Variants in CUX2 observed in about 807,000 individuals in gnomAD.
CUX2 encodes the protein cut like homeobox 2.
A neutral mutation model predicts 144.8 loss-of-function variants in CUX2; 40 were observed. The ratio of observed to expected loss-of-function variants is 0.28; its 90% CI spans 0.21 to 0.36. The LOEUF is 0.36. Ranked by LOEUF, CUX2 falls within the 10% of genes least tolerant of loss-of-function variation. CUX2 has a pLI of 1.00. For missense variants in CUX2, 1,615 were observed against 1,994.0 expected (o/e 0.81, Z 3.62); for synonymous variants, 827 against 875.6 (o/e 0.94, Z 0.98).
chr12:111,098,709 G>A (rs1872998842), intron 1 of CUX2, among the ~76,000 whole-genome samples: 2 of 152,126 alleles, frequency 1.3e-5, no homozygotes, highest in Non-Finnish European at 1.5e-5. Flanking sequence ...GGAAGCCAAC[G>A]TCACCTCCCT....
At chr12:111,154,410 C>T (rs1367768223) in intron 1 of CUX2, among the ~76,000 whole-genome samples, 1 of 152,138 alleles carries the variant, frequency 6.6e-6, no homozygotes, top group Non-Finnish European at 1.5e-5. Context: ...CAGGGCTCCT[C>T]CCTCAGCCTG....
At chr12:111,282,702 T>C (rs1334182494) in intron 4 of CUX2, among the ~76,000 whole-genome samples, 1 of 147,102 alleles carries the variant, frequency 6.8e-6, no homozygotes, top group Non-Finnish European at 1.5e-5. Flanking sequence ...CACGGTGGGG[T>C]AGGCTGGAAG....
intron 1 of CUX2, among the ~76,000 whole-genome samples, chr12:111,058,541 G>A (rs916108176): frequency 6.6e-6 from 1 of 152,006 alleles, no homozygotes; most frequent in Non-Finnish European, 1.5e-5. Flanking sequence ...GACACAGAGA[G>A]AGAGAGACAG....
In CUX2 at chr12:111,304,273, T is replaced by G. The variant is rs1388153135; in HGVS notation, c.817T>G (p.Ser273Ala). The change falls in exon 10 of 22, where the codon TCC (serine) becomes GCC (alanine). Residue 273 changes from serine (S) to alanine (A), a missense_variant. Around this residue, in one of 12 missense-constraint regions of CUX2, gnomAD observed 295 missense variants for 400.2 expected, o/e 0.74. Coordinates refer to ENST00000261726, the MANE Select transcript of CUX2 (RefSeq NM_015267.4). This position sits in a 1 kb window ranked among gnomAD's most constrained non-coding sequence, Gnocchi z 4.7. ...GGAACAGCTGGCCTCTGTCAACAGC[T>G]CCATCCGCCTGGCTTGCTGCTCTCC... ...LREQLASVNS[S>A]IRLACCSPQG... 4 of 1,613,918 alleles carry G rather than the reference T, an allele frequency of 2.5e-6. No individual in the cohort carries two copies. Among genetic ancestry groups the G allele is most frequent in the Middle Eastern group, 1.7e-4 (1 of 6,058 alleles).
intron 1 of CUX2, among the ~76,000 whole-genome samples, chr12:111,078,189 A>G (rs913861296): frequency 2.0e-5 from 3 of 152,236 alleles, no homozygotes; most frequent in African/African-American, 7.2e-5. Flanking sequence ...GCCCGGCACC[A>G]GACTAGGCAT....
Position 111,310,199 on chromosome 12 carries a change from A to C in CUX2, c.1417A>C (p.Thr473Pro). ...LLGPSLGPDG[T>P]RTFSLSPFPS... is the part of the protein sequence containing the mutation. ...GGGCCCCAGCTTGGGGCCTGACGGC[A>C]CTCGGACTTTCTCGCTGTCCCCCTT... Residue 473 changes from threonine (T) to proline (P), a missense_variant, in exon 15 of 22, where the codon ACT (threonine) becomes CCT (proline). By Grantham distance (38) the Thr-to-Pro change is conservative (BLOSUM62 -1). Coordinates refer to ENST00000261726, the MANE Select transcript of CUX2 (RefSeq NM_015267.4). The surrounding 1 kb of genome is among the most constrained non-coding windows in gnomAD (Gnocchi z 7.9). 6.6e-7 allele frequency: 1 copy of C among 1,526,302 alleles called. No homozygotes were observed. Among genetic ancestry groups the C allele is most frequent in the Non-Finnish European group, 8.8e-7 (1 of 1,138,032 alleles). 94.5% of individuals were successfully genotyped at this position (1,526,302 alleles called of 1,614,324 possible). A position where few individuals can be genotyped will look rare whatever the true frequency, so the allele number is the denominator to read the frequency against.
At chr12:111,151,322 G>GT in intron 1 of CUX2, among the ~76,000 whole-genome samples, 1 of 152,332 alleles carries the variant, frequency 6.6e-6, no homozygotes, top group East Asian at 1.9e-4. Context: ...AGCAGTAACT[G>GT]TAAGAAGATT....
intron 4 of CUX2, among the ~76,000 whole-genome samples, chr12:111,276,742 G>C (rs1884895062): frequency 6.6e-6 from 1 of 152,090 alleles, no homozygotes; most frequent in Non-Finnish European, 1.5e-5. Flanking sequence ...CAACCTCCTG[G>C]GTTCAGGCGA....
chr12:111,054,143 G>C (rs945866293), intron 1 of CUX2, among the ~76,000 whole-genome samples: 1 of 152,194 alleles, frequency 6.6e-6, no homozygotes, highest in Non-Finnish European at 1.5e-5. Context: ...GACAGAACAA[G>C]ACTCCATCTC....
At chr12:111,323,441 G>A (rs552881987) in intron 18 of CUX2, among the ~76,000 whole-genome samples, 1 of 152,300 alleles carries the variant, frequency 6.6e-6, no homozygotes, top group South Asian at 2.1e-4. Flanking sequence ...AACACCTACA[G>A]GATGAGACTG....
intron 3 of CUX2, among the ~76,000 whole-genome samples, chr12:111,229,356 C>G (rs573754276): frequency 6.6e-6 from 1 of 152,312 alleles, no homozygotes; most frequent in Admixed American, 6.5e-5. Flanking sequence ...GGTGTCCTCT[C>G]TGAGGTGGGC....
rs1038721228 is a variant in CUX2, at chr12:111,190,540, T to A, written c.64-23660T>A. ...GTGTCCACTTAACCATGGTCTTCCT[T>A]TTGCATTTTCCCACCTCTTGATGCT... On this transcript the variant is annotated intron_variant, in intron 1 of 21. Coordinates refer to ENST00000261726, the MANE Select transcript of CUX2 (RefSeq NM_015267.4). The surrounding 1 kb of genome is among the most constrained non-coding windows in gnomAD (Gnocchi z 4.0). Among the ~76,000 whole-genome samples the A allele has an allele frequency of 6.6e-6, 1 of 152,178 alleles. No individual in the cohort carries two copies. The highest frequency in any genetic ancestry group is 1.5e-5 in the Non-Finnish European group (1 of 68,034).
chr12:111,326,658 C>G (rs4523744), intron 18 of CUX2, among the ~76,000 whole-genome samples: 60,356 of 151,910 alleles, frequency 0.4, 15,256 homozygotes, highest in East Asian at 0.89. Flanking sequence ...AATCCCAGCA[C>G]TTTGGGAGGC....
chr12:111,310,793 C>A lies in CUX2; in HGVS notation c.1900+111C>A. ...GTTCAAAGCCCAGCTCTACCACCAC[C>A]TGGCTGTGTGACCCAGGGCCAGTGG... On this transcript the variant is annotated intron_variant, in intron 15 of 21. Transcript: ENST00000261726. This position sits in a 1 kb window ranked among gnomAD's most constrained non-coding sequence, Gnocchi z 7.9. 7.8e-7 allele frequency: 1 copy of A among 1,281,378 alleles called. No homozygotes were observed. Among genetic ancestry groups the A allele is most frequent in the Non-Finnish European group, 1.0e-6 (1 of 954,656 alleles). 79.4% of individuals were successfully genotyped at this position (1,281,378 alleles called of 1,614,324 possible). A position where few individuals can be genotyped will look rare whatever the true frequency, so the allele number is the denominator to read the frequency against.
At chr12:111,191,138 G>A (rs1240398086) in intron 1 of CUX2, among the ~76,000 whole-genome samples, 1 of 152,122 alleles carries the variant, frequency 6.6e-6, no homozygotes, top group Non-Finnish European at 1.5e-5. Context: ...GTGCTAACCT[G>A]TCTGAGCCTC....
chr12:111,041,692 C>T (rs1365585481), intron 1 of CUX2, among the ~76,000 whole-genome samples: 3 of 152,158 alleles, frequency 2.0e-5, no homozygotes, highest in Non-Finnish European at 2.9e-5. Flanking sequence ...GAGTGGAGAC[C>T]TGGGAGGGAC....
chr12:111,303,992 G>C (rs1886449546), intron 9 of CUX2: 4 of 512,842 alleles, frequency 7.8e-6, no homozygotes, highest in Non-Finnish European at 1.4e-5. Context: ...TGTCCTCTCA[G>C]CTCAGGAGTA....
chr12:111,098,561 C>A (rs1191438699), intron 1 of CUX2, among the ~76,000 whole-genome samples: 1 of 152,228 alleles, frequency 6.6e-6, no homozygotes, highest in African/African-American at 2.4e-5. Context: ...AGCTGCCTTG[C>A]CAGCATTTCT....
At chr12:111,056,271 C>T (rs1217777644) in intron 1 of CUX2, among the ~76,000 whole-genome samples, 1 of 152,178 alleles carries the variant, frequency 6.6e-6, no homozygotes, top group African/African-American at 2.4e-5. Context: ...AGCAAGCCAC[C>T]CCAAACTTAG....
Sources: gnomAD v4.1 joint callset for allele counts (sites outside exome capture counted in the v4.1 genomes callset) on GRCh38, gnomAD v4.1.1 for gene constraint, gnomAD v4.1.1 regional missense constraint, Gnocchi (gnomAD v3.1) non-coding constraint, MANE v1.5 for transcripts, NCBI Gene and HGNC (gene_info 2026-07-23, HGNC 2026-07-21) for gene names.